PHF24: variants seen among roughly 807,000 people sequenced by gnomAD.
PHF24 encodes the protein PHD finger protein 24, also known as Galpha inhibitory interacting protein.
Under a neutral mutation model 42.6 loss-of-function variants are expected in PHF24, and 25 were observed. The observed-to-expected ratio is 0.59, with a 90% confidence interval of 0.43 to 0.82. The LOEUF is 0.82. PHF24 is among the 40% of genes least tolerant of loss of function. The pLI is 0.00. For synonymous variants in PHF24, 185 were observed against 204.8 expected (o/e 0.90, Z 0.83); for missense variants, 470 against 538.1 (o/e 0.87, Z 1.25).
At chr9:34,867,636 T>C in the PHF24 span, among the ~76,000 whole-genome samples, 6 of 152,138 alleles carry the variant, frequency 3.9e-5, no homozygotes, top group African/African-American at 1.2e-4. Context: ...CTCCTTTTGA[T>C]GGTTTTTGTT....
the PHF24 span, among the ~76,000 whole-genome samples, chr9:34,780,486 T>C: frequency 1.3e-5 from 2 of 151,892 alleles, no homozygotes; most frequent in South Asian, 4.2e-4. Flanking sequence ...GGTTTCACCA[T>C]GTTGCCCAGG....
the PHF24 span, among the ~76,000 whole-genome samples, chr9:34,730,897 A>T: frequency 6.6e-6 from 1 of 152,230 alleles, no homozygotes; most frequent in Non-Finnish European, 1.5e-5. Flanking sequence ...CTAGCAGAAT[A>T]TAGAAGGGTG....
the PHF24 span, among the ~76,000 whole-genome samples, chr9:34,788,032 T>C: frequency 6.6e-6 from 1 of 151,186 alleles, no homozygotes; most frequent in Non-Finnish European, 1.5e-5. Flanking sequence ...CAGAAGCAAC[T>C]GTTTTGTTTT....
exon 8 of PHF24, chr9:34,978,789 A>G (rs1364160663): frequency 6.6e-6 from 1 of 152,242 alleles, no homozygotes; most frequent in Admixed American, 6.5e-5. Context: ...AGAAAAGGCA[A>G]CTAGCCTGGA....
At chr9:34,896,806 T>G in the PHF24 span, among the ~76,000 whole-genome samples, 3 of 152,240 alleles carry the variant, frequency 2.0e-5, no homozygotes, top group South Asian at 6.2e-4. Flanking sequence ...CTAGGATTTC[T>G]GAGTTTCCTT....
the PHF24 span, chr9:34,725,754 G>A: frequency 3.0e-5 from 46 of 1,549,788 alleles, no homozygotes; most frequent in South Asian, 2.0e-4. Context: ...ATCCAGTTTG[G>A]GGAAAGTGGG....
At chr9:34,925,754 T>C in the PHF24 span, among the ~76,000 whole-genome samples, 1 of 152,190 alleles carries the variant, frequency 6.6e-6, no homozygotes, top group Non-Finnish European at 1.5e-5. Context: ...AAGGTTGTTA[T>C]TTTGAATTCT....
chr9:34,700,357 A>G, the PHF24 span, among the ~76,000 whole-genome samples: 1 of 151,388 alleles, frequency 6.6e-6, no homozygotes, highest in African/African-American at 2.5e-5. Flanking sequence ...CAATCCAGGG[A>G]GGAGATGATG....
At chr9:34,892,266 A>T in the PHF24 span, among the ~76,000 whole-genome samples, 1 of 152,152 alleles carries the variant, frequency 6.6e-6, no homozygotes, top group Admixed American at 6.5e-5. Flanking sequence ...TCCATAGTGG[A>T]TCCTTCAAAA....
chr9:34,933,795 A>G, the PHF24 span, among the ~76,000 whole-genome samples: 1 of 150,782 alleles, frequency 6.6e-6, no homozygotes, highest in African/African-American at 2.4e-5. Flanking sequence ...TTTTTTTGAG[A>G]CAGAGTCTCG....
the PHF24 span, among the ~76,000 whole-genome samples, chr9:34,686,722 C>G: frequency 3.1e-4 from 47 of 152,218 alleles, no homozygotes; most frequent in African/African-American, 1.1e-3. Flanking sequence ...GTAACAGATG[C>G]CATGTGCGCT....
chr9:34,738,144 T>A, the PHF24 span, among the ~76,000 whole-genome samples: 1 of 152,154 alleles, frequency 6.6e-6, no homozygotes. Flanking sequence ...AGTCTTTAGA[T>A]GATCCAGCAC....
At chr9:34,978,315 G>A (rs558903395) in exon 8 of PHF24, 3 of 578,252 alleles carry the variant, frequency 5.2e-6, no homozygotes, top group Non-Finnish European at 9.3e-6. Flanking sequence ...GAGAAGCCCT[G>A]GGAGCTGTGG....
the PHF24 span, among the ~76,000 whole-genome samples, chr9:34,770,185 T>C: frequency 1.3e-5 from 2 of 152,186 alleles, no homozygotes; most frequent in African/African-American, 2.4e-5. Context: ...ATTTGCCTTA[T>C]ATGTAAAGAG....
the PHF24 span, among the ~76,000 whole-genome samples, chr9:34,874,856 G>T: frequency 6.6e-6 from 1 of 151,754 alleles, no homozygotes; most frequent in Non-Finnish European, 1.5e-5. Context: ...ATATTTAAGG[G>T]GTACTTGAGA....
the PHF24 span, chr9:34,893,045 C>A: frequency 1.1e-6 from 1 of 933,408 alleles, no homozygotes; most frequent in Non-Finnish European, 1.6e-6. Flanking sequence ...GTTGTTCTCA[C>A]CTGCCAGCAA....
the PHF24 span, among the ~76,000 whole-genome samples, chr9:34,882,358 G>T: frequency 6.6e-6 from 1 of 152,098 alleles, no homozygotes; most frequent in Non-Finnish European, 1.5e-5. Flanking sequence ...GGAAGTTCTG[G>T]CCAGGGCAAT....
chr9:34,706,940 T>G, the PHF24 span, among the ~76,000 whole-genome samples: 4 of 151,456 alleles, frequency 2.6e-5, no homozygotes, highest in Non-Finnish European at 4.4e-5. Flanking sequence ...CAGTGAGCTA[T>G]GATCCTACCT....
the PHF24 span, chr9:34,691,200 C>T: frequency 2.6e-6 from 4 of 1,529,384 alleles, no homozygotes; most frequent in Non-Finnish European, 3.6e-6. Flanking sequence ...TGGGTGTGTG[C>T]AGGATCTGTG....
Sources: allele counts gnomAD v4.1 joint callset (sites outside exome capture counted in the v4.1 genomes callset), GRCh38; gene constraint gnomAD v4.1.1; transcripts MANE v1.5; gene names NCBI Gene and HGNC (gene_info 2026-07-23, HGNC 2026-07-21).